Variants in IL1RAPL2 observed in about 807,000 individuals in gnomAD.
IL1RAPL2 encodes interleukin 1 receptor accessory protein like 2, also known as X-linked interleukin-1 receptor accessory protein-like 2.
IL1RAPL2 carries 3 observed loss-of-function variants against 44.1 expected under a neutral mutation model. That is an observed-to-expected ratio of 0.07 (90% CI 0.03 to 0.18). IL1RAPL2 has a LOEUF of 0.18. Among genes scored for constraint, IL1RAPL2 ranks in the 10% least tolerant of loss-of-function variants. The pLI, the probability that IL1RAPL2 is intolerant of heterozygous loss-of-function variation, is 1.00. For synonymous variants in IL1RAPL2, 181 were observed against 178.8 expected, an observed-to-expected ratio of 1.01 and a Z score of -0.10; for missense variants, 391 against 496.4, an observed-to-expected ratio of 0.79 and a Z score of 2.02.
At chrX:104,966,574 T>C (rs1271135637) in intron 2 of IL1RAPL2, among the ~76,000 whole-genome samples, 2 of 111,959 alleles carry the variant, frequency 1.8e-5, no homozygotes, top group Non-Finnish European at 3.8e-5. Context: ...TACTTAACAA[T>C]ACAGTCTCAA....
intron 5 of IL1RAPL2, among the ~76,000 whole-genome samples, chrX:105,332,190 C>A (rs192798959): frequency 1.5e-4 from 17 of 110,776 alleles, no homozygotes; most frequent in African/African-American, 5.6e-4. Flanking sequence ...AAGTACCCTG[C>A]CACCCCAAAT....
chrX:104,720,918 A>G (rs1008950257), intron 2 of IL1RAPL2, among the ~76,000 whole-genome samples: 2 of 111,504 alleles, frequency 1.8e-5, no homozygotes, highest in African/African-American at 6.5e-5. Flanking sequence ...TGTGGCCAGC[A>G]TATGAAAAAA....
chrX:105,591,719 G>A (rs1247162521), intron 6 of IL1RAPL2, among the ~76,000 whole-genome samples: 1 of 111,731 alleles, frequency 9.0e-6, no homozygotes, highest in Admixed American at 9.5e-5. Context: ...CATGTAAATT[G>A]TATGATTTTG....
At chrX:104,904,512 C>T (rs1923922951) in intron 2 of IL1RAPL2, among the ~76,000 whole-genome samples, 1 of 93,293 alleles carries the variant, frequency 1.1e-5, no homozygotes, top group Non-Finnish European at 2.1e-5. Context: ...TCCATGTGAT[C>T]TCATTGTTCA....
chrX:105,744,968 C>T (rs2038528836), intron 8 of IL1RAPL2, among the ~76,000 whole-genome samples: 1 of 111,364 alleles, frequency 9.0e-6, no homozygotes, highest in Non-Finnish European at 1.9e-5. Flanking sequence ...TCCCACCATA[C>T]CTGAATAGAA....
chrX:105,359,514 G>A (rs1034088021), intron 5 of IL1RAPL2, among the ~76,000 whole-genome samples: 1 of 111,031 alleles, frequency 9.0e-6, no homozygotes, highest in Non-Finnish European at 1.9e-5. Context: ...TCTCAGCATG[G>A]TTATGAATTG....
intron 2 of IL1RAPL2, among the ~76,000 whole-genome samples, chrX:104,869,810 G>A (rs931383816): frequency 1.8e-5 from 2 of 111,954 alleles, no homozygotes; most frequent in Non-Finnish European, 3.8e-5. Context: ...AAAGGGGAGA[G>A]GCTGTGTTTG....
intron 2 of IL1RAPL2, among the ~76,000 whole-genome samples, chrX:105,032,566 T>C (rs1316865644): frequency 8.9e-6 from 1 of 112,216 alleles, no homozygotes; most frequent in Non-Finnish European, 1.9e-5. Flanking sequence ...TGAGTTCTAG[T>C]TTAATTGCAC....
chrX:105,487,776 C>T (rs1310308881), intron 6 of IL1RAPL2, among the ~76,000 whole-genome samples: 1 of 111,823 alleles, frequency 8.9e-6, no homozygotes, highest in Non-Finnish European at 1.9e-5. Context: ...AGAGCTCCTC[C>T]GTGTGAGTGG....
At chrX:104,791,220 C>A (rs1179077859) in intron 2 of IL1RAPL2, among the ~76,000 whole-genome samples, 1 of 104,348 alleles carries the variant, frequency 9.6e-6, no homozygotes, top group African/African-American at 3.5e-5. Flanking sequence ...CCTCTCCCTC[C>A]TCTCTCCACC....
intron 1 of IL1RAPL2, among the ~76,000 whole-genome samples, chrX:104,632,495 A>C (rs368955481): frequency 1.2e-4 from 13 of 110,593 alleles, no homozygotes; most frequent in South Asian, 3.9e-4. Flanking sequence ...TCTTCCATTT[A>C]TTTGTATCCT....
intron 3 of IL1RAPL2, among the ~76,000 whole-genome samples, chrX:105,217,342 T>G (rs1328298723): frequency 9.0e-5 from 10 of 111,571 alleles, no homozygotes; most frequent in Non-Finnish European, 7.5e-5. Flanking sequence ...AGCCAACACA[T>G]GAAAAAATGC....
intron 7 of IL1RAPL2, among the ~76,000 whole-genome samples, chrX:105,723,489 T>C (rs1472725094): frequency 8.9e-6 from 1 of 111,745 alleles, no homozygotes; most frequent in Admixed American, 9.5e-5. Context: ...TATTCCAGCC[T>C]CTGTTCATTA....
chrX:105,717,035 A>G (rs79773397), intron 6 of IL1RAPL2, among the ~76,000 whole-genome samples: 7,453 of 111,484 alleles, frequency 0.067, 262 homozygotes, highest in South Asian at 0.23. Flanking sequence ...TGGGAGGATC[A>G]CTTGAGCCAG....
At position 104,800,941 on chromosome X, in the gene IL1RAPL2, G is replaced by A. The variant is rs979899654; in HGVS notation, c.82+141946G>A. 5.3e-5 allele frequency among the ~76,000 whole-genome samples: 6 copies of A among 112,579 alleles called. No individual in the cohort carries two copies. In the Admixed American group the frequency reaches 5.6e-4, roughly 11 times the overall value. ...GGATATTAGTCAGGGAAGAGCAGGG[G>A]CAATAATGCCAAGATGTCCAGGGAA... On this transcript the variant is annotated intron_variant, in intron 2 of 10. Transcript: ENST00000372582.
chrX:104,870,016 A>G, intron 2 of IL1RAPL2, among the ~76,000 whole-genome samples: 1 of 112,234 alleles, frequency 8.9e-6, no homozygotes, highest in East Asian at 2.8e-4. Context: ...TGGAGACCCC[A>G]TGCTAACACA....
intron 1 of IL1RAPL2, among the ~76,000 whole-genome samples, chrX:104,612,958 A>G (rs747140616): frequency 9.0e-6 from 1 of 110,781 alleles, no homozygotes; most frequent in East Asian, 2.9e-4. Flanking sequence ...TACCTTCTTG[A>G]TTTGTCTCTC....
intron 1 of IL1RAPL2, among the ~76,000 whole-genome samples, chrX:104,608,141 AC>A (rs1929058195): frequency 9.0e-6 from 1 of 110,912 alleles, no homozygotes; most frequent in South Asian, 3.9e-4. Context: ...AGAAAACCAA[AC>A]ACCACATGTT....
intron 2 of IL1RAPL2, among the ~76,000 whole-genome samples, chrX:105,009,182 A>T (rs1365478301): frequency 9.0e-6 from 1 of 111,681 alleles, no homozygotes; most frequent in African/African-American, 3.3e-5. Flanking sequence ...ATTGTGGAAG[A>T]CAGTGTGACG....
Sources: allele counts gnomAD v4.1 joint callset (sites outside exome capture counted in the v4.1 genomes callset), GRCh38; gene constraint gnomAD v4.1.1; transcripts MANE v1.5; gene names NCBI Gene and HGNC (gene_info 2026-07-23, HGNC 2026-07-21).